Variants in TTC3 observed in about 807,000 individuals in gnomAD.
TTC3 encodes the protein E3 ubiquitin-protein ligase TTC3.
A neutral mutation model predicts 249.6 loss-of-function variants in TTC3; 180 were observed. The ratio of observed to expected loss-of-function variants is 0.72; its 90% CI spans 0.64 to 0.82. The LOEUF (loss-of-function observed/expected upper bound fraction) is 0.82. Among genes scored for constraint, TTC3 ranks in the 40% least tolerant of loss-of-function variants. The probability of loss-of-function intolerance (pLI) is 0.00; values close to 1 mark genes in which losing one functional copy is unlikely to be tolerated. For synonymous variants in TTC3, 717 were observed against 805.0 expected, an observed-to-expected ratio of 0.89 and a Z score of 1.85; for missense variants, 2,061 against 2,398.4, an observed-to-expected ratio of 0.86 and a Z score of 2.94.
intron 6 of TTC3, 151 bp from the exon 7 acceptor site, chr21:37,091,142 C>CTA (rs2073214673): frequency 1.4e-6 from 1 of 717,690 alleles, no homozygotes; most frequent in Admixed American, 2.9e-5. Context: ...TCTGTCTACT[C>CTA]TAAGTTACAT....
chr21:37,180,323 T>C (rs1199241257), intron 35 of TTC3, among the ~76,000 whole-genome samples: 6 of 152,192 alleles, frequency 3.9e-5, no homozygotes, highest in Non-Finnish European at 5.9e-5. Flanking sequence ...GTCATTCCTC[T>C]CTCTCTATTC....
At position 37,164,093 on chromosome 21, in the gene TTC3, C is replaced by T. The variant is rs751172340; in HGVS notation, c.3213C>T (p.Asp1071=). ...CTGCAGGCCCATTTGCAGTGCCTGA[C>T]CATCTTCGGCAAGATGTAGAAGAAT... The change falls in exon 32 of 46, where the codon GAC becomes GAT. Residue 1071 remains aspartate, a synonymous_variant. Transcript: ENST00000355666. The T allele has an allele frequency of 3.7e-6, 6 of 1,612,310 alleles. No homozygotes were observed. The African/African-American group carries it at 8.0e-5, about 22-fold the overall frequency.
chr21:37,138,083 G>A (rs2147946824), intron 18 of TTC3, among the ~76,000 whole-genome samples: 1 of 152,274 alleles, frequency 6.6e-6, no homozygotes, highest in East Asian at 1.9e-4. Context: ...ACCCTCAGAT[G>A]ATCATTAGCA....
intron 27 of TTC3, among the ~76,000 whole-genome samples, chr21:37,154,256 G>C (rs1030968911): frequency 1.3e-5 from 2 of 152,236 alleles, no homozygotes; most frequent in Admixed American, 1.3e-4. Flanking sequence ...AGTGAGGCCT[G>C]CTAAGCCTCT....
chr21:37,143,305 A>C (rs2078665528), intron 20 of TTC3, among the ~76,000 whole-genome samples: 1 of 152,168 alleles, frequency 6.6e-6, no homozygotes, highest in Non-Finnish European at 1.5e-5. Context: ...CAGAGTGAAC[A>C]GGCAACCTAC....
At chr21:37,090,181 C>A in intron 5 of TTC3, 52 bp from the exon 6 acceptor site, 1 of 1,402,854 alleles carries the variant, frequency 7.1e-7, no homozygotes, top group South Asian at 1.2e-5. Context: ...TTAGAAAATT[C>A]AAGTAGAATT....
exon 11 of TTC3, chr21:37,108,433 A>G (rs2075294852): frequency 1.2e-6 from 2 of 1,612,446 alleles, no homozygotes; most frequent in Non-Finnish European, 1.7e-6. Context: ...ATTCTGAAGA[A>G]CACTTGGCCA....
intron 11 of TTC3, among the ~76,000 whole-genome samples, chr21:37,113,509 C>G (rs1248652336): frequency 6.6e-6 from 1 of 152,144 alleles, no homozygotes; most frequent in African/African-American, 2.4e-5. Flanking sequence ...AGGAGAGCTA[C>G]AAACCACTGC....
intron 42 of TTC3, among the ~76,000 whole-genome samples, chr21:37,196,651 A>G (rs2084946791): frequency 6.6e-6 from 1 of 152,242 alleles, no homozygotes; most frequent in Non-Finnish European, 1.5e-5. Flanking sequence ...GCACTGTCTA[A>G]AACTAGTGTT....
chr21:37,089,251 G>T (rs2147674093), intron 5 of TTC3, among the ~76,000 whole-genome samples: 1 of 152,256 alleles, frequency 6.6e-6, no homozygotes, highest in South Asian at 2.1e-4. Context: ...TTGTCTTTGG[G>T]TAGGTAGACT....
At chr21:37,133,010 CAT>C (rs1226860696) in intron 17 of TTC3, among the ~76,000 whole-genome samples, 1 of 152,074 alleles carries the variant, frequency 6.6e-6, no homozygotes, top group Non-Finnish European at 1.5e-5. Context: ...CTATTATAGA[CAT>C]ATCATTTAAT....
chr21:37,162,372 C>A (rs937714206), intron 31 of TTC3, among the ~76,000 whole-genome samples: 1 of 151,782 alleles, frequency 6.6e-6, no homozygotes, highest in Non-Finnish European at 1.5e-5. Flanking sequence ...AGAAATTATT[C>A]TTTAAAATAG....
intron 10 of TTC3, among the ~76,000 whole-genome samples, chr21:37,097,132 A>T (rs1250430894): frequency 6.6e-6 from 1 of 152,202 alleles, no homozygotes; most frequent in African/African-American, 2.4e-5. Context: ...ATCCTTCATA[A>T]GTGAAAGAAA....
At chr21:37,118,873 G>C (rs2076368316) in intron 11 of TTC3, among the ~76,000 whole-genome samples, 3 of 152,042 alleles carry the variant, frequency 2.0e-5, no homozygotes, top group Admixed American at 2.0e-4. Context: ...AAATGCTATA[G>C]TTTTCATCTC....
At chr21:37,151,328 A>G (rs186587843) in intron 25 of TTC3, among the ~76,000 whole-genome samples, 1 of 152,098 alleles carries the variant, frequency 6.6e-6, no homozygotes, top group Admixed American at 6.5e-5. Context: ...TTACTTCTCT[A>G]TAGCTTTTTG....
At chr21:37,124,661 T>C (rs761313765) in exon 14 of TTC3, 37 of 1,613,296 alleles carry the variant, frequency 2.3e-5, no homozygotes, top group South Asian at 6.6e-5. Flanking sequence ...TATTTACTAC[T>C]TCACTTAACT....
intron 27 of TTC3, among the ~76,000 whole-genome samples, chr21:37,155,137 AG>A (rs1418502754): frequency 6.6e-6 from 1 of 152,230 alleles, no homozygotes; most frequent in Non-Finnish European, 1.5e-5. Context: ...ACAGTCCTGA[AG>A]TAAAATGCAC....
chr21:37,173,143 A>G (rs2081954069), intron 35 of TTC3, among the ~76,000 whole-genome samples: 1 of 152,278 alleles, frequency 6.6e-6, no homozygotes, highest in African/African-American at 2.4e-5. Flanking sequence ...GTTCTATACT[A>G]GTTCTAATCT....
intron 35 of TTC3, among the ~76,000 whole-genome samples, chr21:37,174,587 C>T (rs908245350): frequency 1.3e-5 from 2 of 152,174 alleles, no homozygotes; most frequent in Admixed American, 1.3e-4. Context: ...ACCAACTTTT[C>T]CTTTATACTC....
Sources: allele counts gnomAD v4.1 joint callset (sites outside exome capture counted in the v4.1 genomes callset), GRCh38; gene constraint gnomAD v4.1.1; transcripts MANE v1.5; gene names NCBI Gene and HGNC (gene_info 2026-07-23, HGNC 2026-07-21).